The following FOXK1 variants were observed in gnomAD, a reference collection of about 807,000 sequenced individuals.
FOXK1 encodes the protein forkhead box protein K1.
In FOXK1, 19 loss-of-function variants were observed where a neutral mutation model predicts 51.9. The ratio of observed to expected loss-of-function variants is 0.37; its 90% CI spans 0.26 to 0.54. The LOEUF is 0.54. FOXK1 is among the 20% of genes least tolerant of loss of function. The pLI, the probability that FOXK1 is intolerant of heterozygous loss-of-function variation, is 0.87. For synonymous variants in FOXK1, 537 were observed against 482.6 expected (o/e 1.11, Z -1.48); for missense variants, 870 against 1,032.7 (o/e 0.84, Z 2.16).
At chr7:4,741,486 G>A (rs1355358191) in intron 2 of FOXK1, among the ~76,000 whole-genome samples, 3 of 152,004 alleles carry the variant, frequency 2.0e-5, no homozygotes, top group African/African-American at 4.8e-5. Flanking sequence ...CTGCTACCAC[G>A]CCTGGCTAAA....
At chr7:4,739,734 C>T (rs554942220) in intron 1 of FOXK1, among the ~76,000 whole-genome samples, 8 of 152,336 alleles carry the variant, frequency 5.3e-5, no homozygotes, top group East Asian at 1.9e-4. Flanking sequence ...TCCCGCCTGC[C>T]GGAGCAGGGG....
In FOXK1 at chr7:4,765,998, C is replaced by T. The variant is rs1054589837; in HGVS notation, c.*3534C>T. 1 of 152,280 alleles carries T rather than the reference C, an allele frequency of 6.6e-6. No homozygotes were observed. The highest frequency in any genetic ancestry group is 2.1e-4 in the South Asian group (1 of 4,832). 9.4% of individuals were successfully genotyped at this position (152,280 alleles called of 1,614,324 possible). ...ACGGAGCCGCGGGGCCAGAGGAGCTCAGGGAGACCTGGCTGTCTAGGGCAT... is the reference window on the plus strand; with the variant it reads ...ACGGAGCCGCGGGGCCAGAGGAGCTTAGGGAGACCTGGCTGTCTAGGGCAT... On this transcript the variant is annotated 3_prime_UTR_variant, in exon 9 of 9. Coordinates refer to ENST00000328914, the MANE Select transcript of FOXK1 (RefSeq NM_001037165.2).
At chr7:4,739,928 C>G (rs944849213) in intron 1 of FOXK1, among the ~76,000 whole-genome samples, 1 of 152,194 alleles carries the variant, frequency 6.6e-6, no homozygotes, top group African/African-American at 2.4e-5. Flanking sequence ...CTGTCTGGAG[C>G]CTGCGTGGGA....
Position 4,765,310 on chromosome 7 carries a change from C to T in FOXK1, c.*2846C>T, listed in dbSNP as rs1034974797. ...CAGGGCCCAAAAGGGTTGCATGTCC[C>T]GGCCACAAAGCCCTCCCTGTGTGCC... On this transcript the variant is annotated 3_prime_UTR_variant, in exon 9 of 9. Transcript: ENST00000328914. 3.3e-5 allele frequency: 5 copies of T among 152,288 alleles called. No individual in the cohort carries two copies. The highest frequency in any genetic ancestry group is 7.2e-5 in the African/African-American group (3 of 41,458). 9.4% of individuals were successfully genotyped at this position (152,288 alleles called of 1,614,324 possible). A position where few individuals can be genotyped will look rare whatever the true frequency, so the allele number is the denominator to read the frequency against.
rs1369856263 is a variant in FOXK1, at chr7:4,734,515, GC to G, written c.561-6322del. On this transcript the variant is annotated intron_variant, in intron 1 of 8. Coordinates refer to ENST00000328914, the MANE Select transcript of FOXK1 (RefSeq NM_001037165.2). This position sits in a 1 kb window ranked among gnomAD's most constrained non-coding sequence, Gnocchi z 5.2. ...TCAGTCCCTGTCTTCCTTGATGGGG[GC>G]ATTCCCCAAGTGTCTGTTCTTGTGG... Among the ~76,000 whole-genome samples the G allele has an allele frequency of 1.3e-5, 2 of 152,176 alleles. No individual in the cohort carries two copies. The highest frequency in any genetic ancestry group is 2.9e-5 in the Non-Finnish European group (2 of 68,038).
intron 1 of FOXK1, among the ~76,000 whole-genome samples, chr7:4,694,857 G>C (rs1475166479): frequency 6.6e-6 from 1 of 152,184 alleles, no homozygotes; most frequent in African/African-American, 2.4e-5. Flanking sequence ...GCCGCCCCGG[G>C]TGGGATTAGT....
At chr7:4,690,346 G>A (rs956623431) in intron 1 of FOXK1, among the ~76,000 whole-genome samples, 4 of 152,216 alleles carry the variant, frequency 2.6e-5, no homozygotes, top group Non-Finnish European at 5.9e-5. Context: ...AATGAAATGC[G>A]GCATCTCCAA....
rs112760580 is a variant in FOXK1, at chr7:4,761,699, T to TA, written c.1921+420dup. The stretch of plus-strand genomic sequence containing the variant: ...GTGACTGAGCGAGACCCTGTCCCTT[T>TA]AAAAAAAAAGTGGGGGGAAAGAAAA... On this transcript the variant is annotated intron_variant, in intron 8 of 8. Coordinates refer to ENST00000328914, the MANE Select transcript of FOXK1 (RefSeq NM_001037165.2). The surrounding 1 kb of genome is among the most constrained non-coding windows in gnomAD (Gnocchi z 6.2). 7.4e-3 allele frequency among the ~76,000 whole-genome samples: 1,113 copies of TA among 150,302 alleles called. 6 individuals are homozygous for TA. Among genetic ancestry groups the TA allele is most frequent in the Middle Eastern group, 0.01 (3 of 294 alleles).
In FOXK1 at chr7:4,755,234, C is replaced by T. The variant is rs776631735; in HGVS notation, c.904-3C>T. 25 of 1,613,434 alleles carry T rather than the reference C, an allele frequency of 1.5e-5. No homozygotes were observed. The highest frequency in any genetic ancestry group is 1.8e-5 in the Non-Finnish European group (21 of 1,179,890). On this transcript the variant is annotated splice_region_variant and splice_polypyrimidine_tract_variant and intron_variant, in intron 3 of 8. Coordinates refer to ENST00000328914, the MANE Select transcript of FOXK1 (RefSeq NM_001037165.2). This position sits in a 1 kb window ranked among gnomAD's most constrained non-coding sequence, Gnocchi z 6.6. ...TCATCCCGTGAGCCGTGTTTCTCCG[C>T]AGGATGAGTCAAAGCCGCCGTTCTC...
intron 2 of FOXK1, among the ~76,000 whole-genome samples, chr7:4,744,796 C>G (rs1780680497): frequency 6.6e-6 from 1 of 152,214 alleles, no homozygotes; most frequent in Non-Finnish European, 1.5e-5. Flanking sequence ...TCCGCCCAGT[C>G]CTGTTCTTTG....
Position 4,684,578 on chromosome 7 carries a change from A to C in FOXK1, c.560+1710A>C, listed in dbSNP as rs61208034. Among the ~76,000 whole-genome samples the C allele has an allele frequency of 1.8e-3, 274 of 152,168 alleles. 1 individual carries two copies. The highest frequency in any genetic ancestry group is 6.4e-3 in the African/African-American group (265 of 41,518). ...TATTAGTGTGTTCTCTCTCTTCCAT[A>C]ACCAATACACTCTCTCCGTTTGGGG... On this transcript the variant is annotated intron_variant, in intron 1 of 8. Transcript: ENST00000328914.
At chr7:4,727,036 C>T (rs1414910030) in intron 1 of FOXK1, among the ~76,000 whole-genome samples, 2 of 152,126 alleles carry the variant, frequency 1.3e-5, no homozygotes, top group Non-Finnish European at 2.9e-5. Flanking sequence ...CCTTGAATTC[C>T]TGGGCTCAAG....
chr7:4,756,911 C>A lies in FOXK1; in HGVS notation c.1051-83C>A. On this transcript the variant is annotated intron_variant, in intron 4 of 8. Transcript: ENST00000328914. The surrounding 1 kb of genome is among the most constrained non-coding windows in gnomAD (Gnocchi z 4.1). ...AGGGACGGCCTCCCCTCACCCTGGTCCCGCATCTGCTGCAGATTTGAGGTG... is the reference window on the plus strand; with the variant it reads ...AGGGACGGCCTCCCCTCACCCTGGTACCGCATCTGCTGCAGATTTGAGGTG... The A allele has an allele frequency of 6.8e-7, 1 of 1,472,186 alleles. No individual in the cohort carries two copies. The highest frequency in any genetic ancestry group is 2.4e-4 in the Middle Eastern group (1 of 4,236). The allele number at this position is 1,472,186 out of a possible 1,614,324, so 91.2% of individuals were successfully genotyped here. A position where few individuals can be genotyped will look rare whatever the true frequency, so the allele number is the denominator to read the frequency against.
rs563534276 is a variant in FOXK1 at position 4,713,926 on chromosome 7, C to T, written c.561-26912C>T. Among the ~76,000 whole-genome samples, 148 of 150,014 alleles carry T rather than the reference C, an allele frequency of 9.9e-4. 1 individual carries two copies. Among genetic ancestry groups the T allele is most frequent in the Middle Eastern group, 7.5e-3 (2 of 268 alleles). Reference sequence around the variant, plus strand: ...CTGCAACCTCCACCTCCCGAGTTCACGTGATTTCTCCTGCCTCAGCCTCCC... The same window carrying T: ...CTGCAACCTCCACCTCCCGAGTTCATGTGATTTCTCCTGCCTCAGCCTCCC... On this transcript the variant is annotated intron_variant, in intron 1 of 8. Coordinates refer to ENST00000328914, the MANE Select transcript of FOXK1 (RefSeq NM_001037165.2).
rs563461586 is a variant in FOXK1, at chr7:4,703,384, A to G, written c.560+20516A>G. On this transcript the variant is annotated intron_variant, in intron 1 of 8. Transcript: ENST00000328914. The surrounding 1 kb of genome is among the most constrained non-coding windows in gnomAD (Gnocchi z 5.6). ...CTGGCTCTCAGGGGATGGGAGGACA[A>G]CTCGCTGAAGTTCGTGGCCCCAAGA... Among the ~76,000 whole-genome samples the G allele has an allele frequency of 4.6e-5, 7 of 152,122 alleles. No homozygotes were observed. The East Asian group carries it at 1.2e-3, about 25-fold the overall frequency.
At position 4,747,205 on chromosome 7, in the gene FOXK1, G is replaced by A. The variant is rs994384637; in HGVS notation, c.746+6182G>A. ...GTCAGCCTCGGGTGACAAGCGGCTT[G>A]TGTGGAGTAGGCCTGTTGCATGGCT... On this transcript the variant is annotated intron_variant, in intron 2 of 8. Transcript: ENST00000328914. This position sits in a 1 kb window ranked among gnomAD's most constrained non-coding sequence, Gnocchi z 9.2. 6.6e-6 allele frequency among the ~76,000 whole-genome samples: 1 copy of A among 152,226 alleles called. No individual in the cohort carries two copies. The highest frequency in any genetic ancestry group is 2.4e-5 in the African/African-American group (1 of 41,460).
At chr7:4,759,829 G>A (rs568139799) in intron 7 of FOXK1, 25 of 589,482 alleles carry the variant, frequency 4.2e-5, no homozygotes, top group Middle Eastern at 4.5e-4. Flanking sequence ...TCCGGAGTTC[G>A]AGGTCAGCCT....
chr7:4,759,020 C>G (rs1385109836), intron 5 of FOXK1, 31 bp from the exon 6 acceptor site: 1 of 1,553,252 alleles, frequency 6.4e-7, no homozygotes, highest in Non-Finnish European at 8.6e-7. Flanking sequence ...AGCGCGGGCG[C>G]TGACTGCCGC....
Position 4,765,569 on chromosome 7 carries a change from G to C in FOXK1, c.*3105G>C, listed in dbSNP as rs1040053597. Reference sequence around the variant, plus strand: ...TCCAGCCCCGTTCTGGGGTCACTGGGGAGGCAGAGGCTGAGGGCCTGTTCT... The same window carrying C: ...TCCAGCCCCGTTCTGGGGTCACTGGCGAGGCAGAGGCTGAGGGCCTGTTCT... On this transcript the variant is annotated 3_prime_UTR_variant, in exon 9 of 9. Transcript: ENST00000328914. The C allele has an allele frequency of 1.3e-5, 2 of 152,570 alleles. No individual in the cohort carries two copies. The highest frequency in any genetic ancestry group is 2.9e-5 in the Non-Finnish European group (2 of 68,296). The allele number at this position is 152,570 out of a possible 1,614,324, so 9.5% of individuals were successfully genotyped here. A position where few individuals can be genotyped will look rare whatever the true frequency, so the allele number is the denominator to read the frequency against.
Sources: gnomAD v4.1 joint callset for allele counts (sites outside exome capture counted in the v4.1 genomes callset) on GRCh38, gnomAD v4.1.1 for gene constraint, Gnocchi (gnomAD v3.1) non-coding constraint, MANE v1.5 for transcripts, NCBI Gene and HGNC (gene_info 2026-07-23, HGNC 2026-07-21) for gene names.